CHST11: variants seen among roughly 807,000 people sequenced by gnomAD.
CHST11 encodes the protein carbohydrate sulfotransferase 11, also known as C4S-1.
CHST11 carries 9 observed loss-of-function variants against 30.4 expected under a neutral mutation model. The observed-to-expected ratio is 0.30, with a 90% confidence interval of 0.18 to 0.52. The LOEUF (loss-of-function observed/expected upper bound fraction) is 0.52, where lower values mean the gene tolerates loss of function less well. Ranked by LOEUF, CHST11 falls within the 20% of genes least tolerant of loss-of-function variation. CHST11 has a pLI of 0.97. For missense variants in CHST11, 348 were observed against 460.6 expected, an observed-to-expected ratio of 0.76 and a Z score of 2.24; for synonymous variants, 152 against 187.8, an observed-to-expected ratio of 0.81 and a Z score of 1.56.
intron 1 of CHST11, among the ~76,000 whole-genome samples, chr12:104,513,703 T>C (rs769584034): frequency 1.4e-4 from 21 of 152,244 alleles, no homozygotes; most frequent in Non-Finnish European, 2.8e-4. Flanking sequence ...TATTTGTGTC[T>C]TCCCACAAGA....
chr12:104,479,383 TA>T lies in CHST11; in HGVS notation c.118+21857del, dbSNP rs143770170. On this transcript the variant is annotated intron_variant, in intron 1 of 2. Coordinates refer to ENST00000303694, the MANE Select transcript of CHST11 (RefSeq NM_018413.6). ...CAGTTTCCACAAAAGTTCTGGAATG[TA>T]AAGTTCTTAAGGGCAGGGATTTTTA... Among the ~76,000 whole-genome samples, 2,102 of 152,260 alleles carry T rather than the reference TA, an allele frequency of 0.014. 76 individuals carry two copies. The East Asian group carries it at 0.16, about 12-fold the overall frequency.
chr12:104,629,851 A>G (rs764503218), intron 2 of CHST11, among the ~76,000 whole-genome samples: 1 of 152,186 alleles, frequency 6.6e-6, no homozygotes, highest in Non-Finnish European at 1.5e-5. Context: ...TGCATTTAAT[A>G]CACTTAACCT....
At chr12:104,588,602 A>G (rs1457600589) in intron 1 of CHST11, among the ~76,000 whole-genome samples, 1 of 152,200 alleles carries the variant, frequency 6.6e-6, no homozygotes, top group Non-Finnish European at 1.5e-5. Flanking sequence ...CGGGCTCACA[A>G]ACAGCTTTAA....
chr12:104,654,754 A>G (rs929565284), intron 2 of CHST11, among the ~76,000 whole-genome samples: 4 of 152,164 alleles, frequency 2.6e-5, no homozygotes, highest in Non-Finnish European at 4.4e-5. Context: ...TCACACGCAG[A>G]CAGACGCCAA....
At chr12:104,563,199 C>T (rs2038530556) in intron 1 of CHST11, among the ~76,000 whole-genome samples, 2 of 152,148 alleles carry the variant, frequency 1.3e-5, no homozygotes, top group Admixed American at 1.3e-4. Flanking sequence ...CACTACCAAG[C>T]CTGACTAATT....
chr12:104,559,236 T>G (rs2038489982), intron 1 of CHST11, among the ~76,000 whole-genome samples: 1 of 152,242 alleles, frequency 6.6e-6, no homozygotes, highest in East Asian at 1.9e-4. Flanking sequence ...AGTATTTTGT[T>G]TTTGTTTTTC....
intron 1 of CHST11, among the ~76,000 whole-genome samples, chr12:104,567,572 A>T (rs1426141369): frequency 1.3e-5 from 2 of 151,840 alleles, no homozygotes; most frequent in African/African-American, 2.4e-5. Flanking sequence ...CTGTTGAAAC[A>T]CTTAATTCTG....
At chr12:104,634,630 C>G (rs975916786) in intron 2 of CHST11, among the ~76,000 whole-genome samples, 2 of 152,180 alleles carry the variant, frequency 1.3e-5, no homozygotes, top group Non-Finnish European at 2.9e-5. Context: ...TACTTTATGT[C>G]AAATATATAC....
chr12:104,556,229 T>C (rs1565985572), intron 1 of CHST11, among the ~76,000 whole-genome samples: 2 of 152,136 alleles, frequency 1.3e-5, no homozygotes, highest in Non-Finnish European at 2.9e-5. Context: ...GGACCCCATT[T>C]TACAGAGGAG....
At chr12:104,629,917 T>C (rs985805899) in intron 2 of CHST11, among the ~76,000 whole-genome samples, 4 of 152,182 alleles carry the variant, frequency 2.6e-5, no homozygotes, top group Non-Finnish European at 5.9e-5. Context: ...ATACCAACAT[T>C]AGCCTACAGT....
intron 1 of CHST11, among the ~76,000 whole-genome samples, chr12:104,494,433 A>G (rs542283622): frequency 1.3e-5 from 2 of 152,374 alleles, no homozygotes; most frequent in South Asian, 4.1e-4. Flanking sequence ...AATGAAAAAC[A>G]GGGTCTCCAC....
At chr12:104,586,998 G>A (rs574008701) in intron 1 of CHST11, among the ~76,000 whole-genome samples, 87 of 152,252 alleles carry the variant, frequency 5.7e-4, no homozygotes, top group African/African-American at 2.0e-3. Flanking sequence ...GGTTTTCAGG[G>A]ACAATTTATG....
chr12:104,603,188 G>C (rs140227151), intron 2 of CHST11, among the ~76,000 whole-genome samples: 1 of 152,228 alleles, frequency 6.6e-6, no homozygotes, highest in African/African-American at 2.4e-5. Context: ...CTCCCAGCCT[G>C]TCCACACACA....
At chr12:104,486,170 T>G (rs761876405) in intron 1 of CHST11, among the ~76,000 whole-genome samples, 9 of 152,218 alleles carry the variant, frequency 5.9e-5, no homozygotes, top group Non-Finnish European at 1.0e-4. Context: ...TCATTCTTGC[T>G]TGACCTTTAA....
chr12:104,669,628 C>T (rs1426835735), intron 2 of CHST11, among the ~76,000 whole-genome samples: 2 of 152,204 alleles, frequency 1.3e-5, no homozygotes, highest in South Asian at 2.1e-4. Flanking sequence ...AACTCATGCG[C>T]AGTAAACGAG....
chr12:104,656,534 T>C (rs1566025227), intron 2 of CHST11, among the ~76,000 whole-genome samples: 1 of 152,196 alleles, frequency 6.6e-6, no homozygotes, highest in East Asian at 1.9e-4. Context: ...AAGCCAACTA[T>C]GGCATGCTGG....
At chr12:104,518,227 C>T (rs1340760938) in intron 1 of CHST11, among the ~76,000 whole-genome samples, 1 of 152,136 alleles carries the variant, frequency 6.6e-6, no homozygotes, top group Non-Finnish European at 1.5e-5. Flanking sequence ...TTCAAGACTG[C>T]AGTGAGCCAT....
Position 104,757,921 on chromosome 12 carries a change from G to T in CHST11, c.*118G>T. On this transcript the variant is annotated 3_prime_UTR_variant, in exon 3 of 3. Coordinates refer to ENST00000303694, the MANE Select transcript of CHST11 (RefSeq NM_018413.6). This position sits in a 1 kb window ranked among gnomAD's most constrained non-coding sequence, Gnocchi z 6.5. The stretch of plus-strand genomic sequence containing the variant: ...AATATTTCTTTGGGGATGATGCTGC[G>T]AGCAGCATAGTGAGAATTATTTAAA... 4.7e-6 allele frequency: 5 copies of T among 1,062,850 alleles called. No individual in the cohort carries two copies. The highest frequency in any genetic ancestry group is 6.7e-6 in the Non-Finnish European group (5 of 750,618). The allele number at this position is 1,062,850 out of a possible 1,614,324, so 65.8% of individuals were successfully genotyped here.
intron 2 of CHST11, among the ~76,000 whole-genome samples, chr12:104,629,956 T>C (rs575586836): frequency 6.6e-6 from 1 of 152,364 alleles, no homozygotes; most frequent in South Asian, 2.1e-4. Context: ...ACAAAGCTTA[T>C]TTTATAATAA....
Sources: allele counts gnomAD v4.1 joint callset (sites outside exome capture counted in the v4.1 genomes callset), GRCh38; gene constraint gnomAD v4.1.1; non-coding constraint Gnocchi (gnomAD v3.1); transcripts MANE v1.5; gene names NCBI Gene and HGNC (gene_info 2026-07-23, HGNC 2026-07-21).